The following ESF1 variants were observed in gnomAD, a reference collection of about 807,000 sequenced individuals.
ESF1 encodes the protein ESF1 nucleolar pre-rRNA processing protein, also known as ESF1 homolog.
ESF1 carries 58 observed loss-of-function variants against 92.0 expected under a neutral mutation model. The observed-to-expected ratio is 0.63, with a 90% CI of 0.51 to 0.78. ESF1 has a LOEUF of 0.78. Among genes scored for constraint, ESF1 ranks in the 30% least tolerant of loss-of-function variants. The pLI is 0.00. For missense variants in ESF1, 922 were observed against 989.1 expected, an observed-to-expected ratio of 0.93 and a Z score of 0.91; for synonymous variants, 321 against 313.7, an observed-to-expected ratio of 1.02 and a Z score of -0.24.
intron 1 of ESF1, 80 bp from the exon 2 acceptor site, chr20:13,783,263 T>C: frequency 9.9e-7 from 1 of 1,006,622 alleles, no homozygotes; most frequent in Non-Finnish European, 1.4e-6. Flanking sequence ...TCACAATATA[T>C]TCTAAGTTAA....
At chr20:13,758,352 T>C (rs1354819534) in intron 9 of ESF1, among the ~76,000 whole-genome samples, 1 of 152,218 alleles carries the variant, frequency 6.6e-6, no homozygotes, top group Non-Finnish European at 1.5e-5. Flanking sequence ...ACCAGTAAAC[T>C]TCATTCGTTC....
chr20:13,775,431 T>C (rs1159795129), intron 3 of ESF1, among the ~76,000 whole-genome samples, 161 bp from the exon 4 acceptor site: 1 of 152,216 alleles, frequency 6.6e-6, no homozygotes, highest in South Asian at 2.1e-4. Flanking sequence ...GAACTTCAAA[T>C]GAGCCAAACA....
chr20:13,735,692 CTT>C (rs1407963411), intron 9 of ESF1, among the ~76,000 whole-genome samples: 1 of 152,100 alleles, frequency 6.6e-6, no homozygotes, highest in Non-Finnish European at 1.5e-5. Context: ...AAATAATACT[CTT>C]TGAAGTATTC....
intron 9 of ESF1, among the ~76,000 whole-genome samples, chr20:13,758,796 A>G (rs1428102799): frequency 6.6e-6 from 1 of 152,224 alleles, no homozygotes; most frequent in East Asian, 1.9e-4. Flanking sequence ...TATTGACTGC[A>G]GAAGTCCCTG....
At chr20:13,775,453 A>G (rs529720819) in intron 3 of ESF1, among the ~76,000 whole-genome samples, 183 bp from the exon 4 acceptor site, 15 of 152,340 alleles carry the variant, frequency 9.8e-5, no homozygotes, top group East Asian at 5.8e-4. Context: ...TAGTAAAACC[A>G]TAACAGGTAA....
chr20:13,762,681 TAA>T (rs1319965431), intron 8 of ESF1, among the ~76,000 whole-genome samples: 3 of 152,132 alleles, frequency 2.0e-5, no homozygotes, highest in Non-Finnish European at 1.5e-5. Context: ...TGCTCTCTTA[TAA>T]ACAATAACCA....
At chr20:13,754,953 A>G (rs1213541172) in intron 9 of ESF1, among the ~76,000 whole-genome samples, 3 of 152,222 alleles carry the variant, frequency 2.0e-5, no homozygotes, top group Non-Finnish European at 1.5e-5. Context: ...GGATACTCCT[A>G]TGCTACTTCC....
intron 9 of ESF1, among the ~76,000 whole-genome samples, chr20:13,737,918 A>G (rs1448956677): frequency 6.6e-6 from 1 of 152,182 alleles, no homozygotes; most frequent in Non-Finnish European, 1.5e-5. Context: ...GGCTTCCCAA[A>G]GTGCTAGGAT....
At chr20:13,773,511 C>T (rs1454829446) in intron 4 of ESF1, among the ~76,000 whole-genome samples, 2 of 151,554 alleles carry the variant, frequency 1.3e-5, no homozygotes, top group African/African-American at 4.9e-5. Context: ...TCTAGAATTT[C>T]GCTGGAGCTA....
intron 13 of ESF1, among the ~76,000 whole-genome samples, chr20:13,716,967 G>A (rs549528687): frequency 2.6e-5 from 4 of 151,544 alleles, no homozygotes; most frequent in East Asian, 1.9e-4. Context: ...ACAGGTGCCC[G>A]CCACCACGCC....
intron 7 of ESF1, among the ~76,000 whole-genome samples, chr20:13,768,416 G>A (rs186775380): frequency 8.6e-4 from 131 of 152,052 alleles, no homozygotes; most frequent in Middle Eastern, 6.9e-3. Context: ...AACCCCGTCT[G>A]TACTAAATAT....
At chr20:13,775,019 A>G (rs1444892366) in intron 4 of ESF1, 138 bp downstream of exon 4, 1 of 571,816 alleles carries the variant, frequency 1.7e-6, no homozygotes, top group Non-Finnish European at 3.1e-6. Context: ...CTGTTACATA[A>G]GTTTCACACT....
rs1371084773 is a variant in ESF1, at chr20:13,748,570, GTGTGTATATATA to G, written c.1828+11110_1828+11121del. Among the ~76,000 whole-genome samples the G allele has an allele frequency of 4.4e-3, 203 of 46,100 alleles. 5 individuals are homozygous for G. Among genetic ancestry groups the G allele is most frequent in the African/African-American group, 0.014 (193 of 14,240 alleles). The allele number at this position is 46,100 out of a possible 152,430, so 30.2% of individuals were successfully genotyped here. ...TGTGTATATATATATATATATGTGT[GTGTGTATATATA>G]TATATATATATTTTTTTTTTTTTGA... On this transcript the variant is annotated intron_variant, in intron 9 of 13. Coordinates refer to ENST00000617257, the MANE Select transcript of ESF1 (RefSeq NM_001276380.2).
intron 10 of ESF1, among the ~76,000 whole-genome samples, chr20:13,729,215 G>A (rs544472897): frequency 1.6e-4 from 24 of 152,252 alleles, no homozygotes; most frequent in African/African-American, 5.5e-4. Context: ...CCAAGATGGC[G>A]CAACTGCACT....
At chr20:13,715,292 T>C in intron 13 of ESF1, 125 bp from the exon 14 acceptor site, 6 of 878,932 alleles carry the variant, frequency 6.8e-6, no homozygotes, top group Non-Finnish European at 6.4e-6. Flanking sequence ...AACCTGAGTG[T>C]TTGTACTGAT....
In ESF1 at chr20:13,719,343, A is replaced by G. The variant is rs2049852012; in HGVS notation, c.2039-359T>C. ...TTCAACATCCATTCATAATAAAAGTAGTATACACATTTAATGAAATTCTAA... is the reference window on the plus strand; with the variant it reads ...TTCAACATCCATTCATAATAAAAGTGGTATACACATTTAATGAAATTCTAA... On this transcript the variant is annotated intron_variant, in intron 11 of 13. Transcript: ENST00000617257. Among the ~76,000 whole-genome samples the G allele has an allele frequency of 2.0e-5, 3 of 152,176 alleles. No homozygotes were observed. The South Asian group carries it at 6.2e-4, about 31-fold the overall frequency.
intron 9 of ESF1, among the ~76,000 whole-genome samples, chr20:13,745,987 G>C (rs1196244194): frequency 6.6e-6 from 1 of 152,120 alleles, no homozygotes; most frequent in Non-Finnish European, 1.5e-5. Flanking sequence ...ATTTGACACA[G>C]AGTCTCGCTC....
intron 4 of ESF1, 101 bp from the exon 5 acceptor site, chr20:13,772,716 A>T: frequency 1.3e-6 from 1 of 784,112 alleles, no homozygotes; most frequent in Non-Finnish European, 2.2e-6. Flanking sequence ...ACTTGACTCA[A>T]TGAAAACAGT....
At chr20:13,776,387 G>C in intron 2 of ESF1, 117 bp from the exon 3 acceptor site, 2 of 955,238 alleles carry the variant, frequency 2.1e-6, no homozygotes, top group Non-Finnish European at 3.0e-6. Flanking sequence ...ACACAGTAAA[G>C]ACAAATATAT....
Sources: allele counts gnomAD v4.1 joint callset (sites outside exome capture counted in the v4.1 genomes callset), GRCh38; gene constraint gnomAD v4.1.1; transcripts MANE v1.5; gene names NCBI Gene and HGNC (gene_info 2026-07-23, HGNC 2026-07-21).